RBFOX3: variants seen among roughly 807,000 people sequenced by gnomAD.
The protein encoded by RBFOX3 is RNA binding protein fox-1 homolog 3.
In RBFOX3, 17 loss-of-function variants were observed where a neutral mutation model predicts 48.7. The ratio of observed to expected loss-of-function variants is 0.35; its 90% confidence interval spans 0.24 to 0.52. RBFOX3 has a LOEUF of 0.52. RBFOX3 is among the 20% of genes least tolerant of loss of function. The pLI, the probability that RBFOX3 is intolerant of heterozygous loss-of-function variation, is 0.94. For synonymous variants in RBFOX3, 212 were observed against 209.5 expected (o/e 1.01, Z -0.10); for missense variants, 382 against 497.5 (o/e 0.77, Z 2.21).
At chr17:79,524,134 G>A (rs1420591552) in intron 1 of RBFOX3, among the ~76,000 whole-genome samples, 2 of 152,202 alleles carry the variant, frequency 1.3e-5, no homozygotes, top group Non-Finnish European at 2.9e-5. Flanking sequence ...CCTCCTGAGA[G>A]AGGATTCCAG....
intron 4 of RBFOX3, among the ~76,000 whole-genome samples, chr17:79,196,360 G>A (rs888476482): frequency 6.6e-6 from 1 of 152,124 alleles, no homozygotes; most frequent in East Asian, 1.9e-4. Flanking sequence ...TCTCTGCCCC[G>A]ACCACCCGTG....
chr17:79,397,110 G>A (rs1473443138), intron 2 of RBFOX3, among the ~76,000 whole-genome samples: 3 of 152,294 alleles, frequency 2.0e-5, no homozygotes, highest in Non-Finnish European at 2.9e-5. Context: ...TCCAGGAGAC[G>A]CCTCCCCACA....
chr17:79,477,461 C>T lies in RBFOX3; in HGVS notation c.-175+4993G>A, dbSNP rs1374233509. Among the ~76,000 whole-genome samples, 1 of 151,658 alleles carries T rather than the reference C, an allele frequency of 6.6e-6. No individual in the cohort carries two copies. The highest frequency in any genetic ancestry group is 1.5e-5 in the Non-Finnish European group (1 of 67,948). Reference sequence around the variant, plus strand: ...GTCCCAGCTACTTGGGAGGCTGAGGCAGGAGAATGGCGTGAACCCGGGAGG... The same window carrying T: ...GTCCCAGCTACTTGGGAGGCTGAGGTAGGAGAATGGCGTGAACCCGGGAGG... On this transcript the variant is annotated intron_variant, in intron 2 of 14. Transcript: ENST00000693108. The surrounding 1 kb of genome is among the most constrained non-coding windows in gnomAD (Gnocchi z 4.8).
chr17:79,296,966 T>C (rs67984133), intron 3 of RBFOX3, among the ~76,000 whole-genome samples: 7 of 125,080 alleles, frequency 5.6e-5, no homozygotes, highest in Non-Finnish European at 6.7e-5. Flanking sequence ...CATCCTCTCC[T>C]CCTCCCTCTC....
At chr17:79,117,595 C>T (rs939284199) in intron 4 of RBFOX3, among the ~76,000 whole-genome samples, 1 of 152,222 alleles carries the variant, frequency 6.6e-6, no homozygotes, top group Non-Finnish European at 1.5e-5. Flanking sequence ...AGTGCCTCCC[C>T]TGGCTAAGGA....
intron 2 of RBFOX3, among the ~76,000 whole-genome samples, chr17:79,388,065 AGT>A (rs35911006): frequency 0.57 from 86,521 of 151,426 alleles, 24,833 homozygotes; most frequent in South Asian, 0.66. Context: ...TGCACTGTGC[AGT>A]GTGTGTGCCT....
intron 1 of RBFOX3, among the ~76,000 whole-genome samples, chr17:79,516,631 CG>C (rs1351081559): frequency 6.6e-5 from 10 of 152,290 alleles, no homozygotes; most frequent in African/African-American, 1.9e-4. Context: ...ATGGTAGAGA[CG>C]GGATGGAAAG....
chr17:79,149,343 A>G (rs1176153625), intron 4 of RBFOX3, among the ~76,000 whole-genome samples: 3 of 151,218 alleles, frequency 2.0e-5, no homozygotes, highest in African/African-American at 7.3e-5. Flanking sequence ...CAGTGGGGGG[A>G]GTGGGGGCAC....
At chr17:79,094,973 G>A (rs2074886515) in intron 13 of RBFOX3, among the ~76,000 whole-genome samples, 1 of 152,150 alleles carries the variant, frequency 6.6e-6, no homozygotes, top group Non-Finnish European at 1.5e-5. Context: ...TGTCCCTCAC[G>A]ACTTTCCCTT....
In RBFOX3 at chr17:79,167,500, C is replaced by T. The variant is rs943763772; in HGVS notation, c.-33-51752G>A. Among the ~76,000 whole-genome samples the T allele has an allele frequency of 3.3e-5, 5 of 152,308 alleles. No homozygotes were observed. In the East Asian group the frequency reaches 5.8e-4, roughly 18 times the overall value. On this transcript the variant is annotated intron_variant, in intron 4 of 14. Coordinates refer to ENST00000693108, the MANE Select transcript of RBFOX3 (RefSeq NM_001350451.2). ...TGGGGCCGCATAATCCCCCAGCAGC[C>T]TCCCATGGGTCATGGAGTCCTTTCC...
chr17:79,348,165 C>T (rs370728787), intron 2 of RBFOX3, among the ~76,000 whole-genome samples: 6 of 152,306 alleles, frequency 3.9e-5, no homozygotes, highest in South Asian at 4.1e-4. Context: ...TGCAGAAAAG[C>T]GGGGAAGTGA....
intron 3 of RBFOX3, among the ~76,000 whole-genome samples, chr17:79,274,788 A>C (rs2068418152): frequency 6.6e-6 from 1 of 151,984 alleles, no homozygotes; most frequent in Admixed American, 6.5e-5. Flanking sequence ...CCCAGGAGGC[A>C]CGCTTGGCTC....
At chr17:79,408,767 C>T (rs1254499577) in intron 2 of RBFOX3, among the ~76,000 whole-genome samples, 1 of 152,186 alleles carries the variant, frequency 6.6e-6, no homozygotes, top group African/African-American at 2.4e-5. Flanking sequence ...CTGATAACAT[C>T]ATCACCATCA....
intron 3 of RBFOX3, among the ~76,000 whole-genome samples, chr17:79,305,056 G>A (rs1342266333): frequency 6.6e-6 from 1 of 152,232 alleles, no homozygotes; most frequent in African/African-American, 2.4e-5. Context: ...GCTCTCAGAG[G>A]ATGCTGTTTC....
At chr17:79,303,944 C>T (rs941292180) in intron 3 of RBFOX3, among the ~76,000 whole-genome samples, 1 of 151,944 alleles carries the variant, frequency 6.6e-6, no homozygotes, top group Non-Finnish European at 1.5e-5. Context: ...AGGGAAGGAA[C>T]ATGAAGCCAG....
chr17:79,379,319 G>T (rs1157981615), intron 2 of RBFOX3, among the ~76,000 whole-genome samples: 2 of 152,154 alleles, frequency 1.3e-5, no homozygotes, highest in Non-Finnish European at 2.9e-5. Flanking sequence ...GGGGACTCAG[G>T]TCTCGGGGAT....
At chr17:79,381,257 C>A (rs2059880212) in intron 2 of RBFOX3, among the ~76,000 whole-genome samples, 1 of 12,678 alleles carries the variant, frequency 7.9e-5, no homozygotes, top group South Asian at 1.4e-3. Context: ...AAGACTCTGT[C>A]TCAAAAAAAA....
At chr17:79,605,942 C>T (rs980729530) in intron 1 of RBFOX3, among the ~76,000 whole-genome samples, 2,215 of 152,306 alleles carry the variant, frequency 0.015, 56 homozygotes, top group East Asian at 0.086. Context: ...TTCCCCAAGC[C>T]GCAGCTTTCT....
In RBFOX3 at chr17:79,511,715, G is replaced by A. The variant is rs1224925665; in HGVS notation, c.-319-29117C>T. ...GGGTACAGCCCCATGACCAGGGGAC[G>A]CACACCCGGATACATGTTACCATCG... On this transcript the variant is annotated intron_variant, in intron 1 of 14. Coordinates refer to ENST00000693108, the MANE Select transcript of RBFOX3 (RefSeq NM_001350451.2). Among the ~76,000 whole-genome samples the A allele has an allele frequency of 3.2e-3, 333 of 102,568 alleles. 1 individual carries two copies. Among genetic ancestry groups the A allele is most frequent in the Middle Eastern group, 0.016 (2 of 128 alleles). The allele number at this position is 102,568 out of a possible 152,430, so 67.3% of individuals were successfully genotyped here. A position where few individuals can be genotyped will look rare whatever the true frequency, so the allele number is the denominator to read the frequency against.
Sources: gnomAD v4.1 joint callset for allele counts (sites outside exome capture counted in the v4.1 genomes callset) on GRCh38, gnomAD v4.1.1 for gene constraint, Gnocchi (gnomAD v3.1) non-coding constraint, MANE v1.5 for transcripts, NCBI Gene and HGNC (gene_info 2026-07-23, HGNC 2026-07-21) for gene names.